The following PLCB1 variants were observed in gnomAD, a reference collection of about 807,000 sequenced individuals.
PLCB1 encodes the protein phospholipase C beta 1, also known as 1-phosphatidylinositol 4,5-bisphosphate phosphodiesterase beta-1.
In PLCB1, 46 loss-of-function variants were observed where a neutral mutation model predicts 161.8. The observed-to-expected ratio is 0.28, with a 90% CI of 0.22 to 0.36. The LOEUF is 0.36. PLCB1 is among the 10% of genes least tolerant of loss of function. PLCB1 has a pLI of 1.00. For synonymous variants in PLCB1, 517 were observed against 503.7 expected (o/e 1.03, Z -0.35); for missense variants, 1,016 against 1,472.5 (o/e 0.69, Z 5.07).
intron 25 of PLCB1, among the ~76,000 whole-genome samples, chr20:8,764,278 C>T (rs549402873): frequency 2.4e-4 from 37 of 152,162 alleles, no homozygotes; most frequent in Non-Finnish European, 4.7e-4. Flanking sequence ...AGACACTTTA[C>T]TGCTATATGC....
At chr20:8,195,856 A>G (rs2052018314) in intron 2 of PLCB1, among the ~76,000 whole-genome samples, 2 of 152,094 alleles carry the variant, frequency 1.3e-5, no homozygotes, top group Admixed American at 1.3e-4. Context: ...CATTTGTATT[A>G]GTCGATTCTC....
chr20:8,275,913 CT>C (rs879561643), intron 2 of PLCB1, among the ~76,000 whole-genome samples: 2,124 of 145,764 alleles, frequency 0.015, 53 homozygotes, highest in African/African-American at 0.048. Context: ...ATATTTTTTC[CT>C]TTTTTTTTTT....
At chr20:8,622,926 T>C (rs112214005) in intron 3 of PLCB1, among the ~76,000 whole-genome samples, 90 of 148,042 alleles carry the variant, frequency 6.1e-4, no homozygotes, top group African/African-American at 2.0e-3. Flanking sequence ...TTGAAATAGG[T>C]AATAGCAGCA....
At chr20:8,548,207 T>C (rs955960567) in intron 3 of PLCB1, among the ~76,000 whole-genome samples, 4 of 73,338 alleles carry the variant, frequency 5.5e-5, no homozygotes, top group African/African-American at 1.4e-4. Flanking sequence ...CCCATTTTCT[T>C]TCCTTCCTTC....
intron 3 of PLCB1, among the ~76,000 whole-genome samples, chr20:8,532,084 T>C (rs1714554850): frequency 6.6e-6 from 1 of 152,206 alleles, no homozygotes; most frequent in Non-Finnish European, 1.5e-5. Context: ...CTTCAGGGCA[T>C]TGGTATTTTG....
chr20:8,799,687 A>C (rs1323110752), intron 31 of PLCB1, among the ~76,000 whole-genome samples: 1 of 152,086 alleles, frequency 6.6e-6, no homozygotes, highest in Non-Finnish European at 1.5e-5. Context: ...CCAACCTCAA[A>C]CCAAGAGAAA....
At chr20:8,684,437 A>T (rs1031120976) in intron 9 of PLCB1, among the ~76,000 whole-genome samples, 7 of 151,392 alleles carry the variant, frequency 4.6e-5, no homozygotes, top group African/African-American at 1.7e-4. Context: ...TGTTTTGGGT[A>T]GAGAGGAGAC....
intron 3 of PLCB1, among the ~76,000 whole-genome samples, chr20:8,529,598 T>C (rs1203123299): frequency 6.6e-6 from 1 of 150,886 alleles, no homozygotes; most frequent in Admixed American, 6.7e-5. Flanking sequence ...GTTGTGTTGC[T>C]GGTCATTTTA....
chr20:8,667,861 G>T (rs1989851032), intron 9 of PLCB1, among the ~76,000 whole-genome samples: 1 of 152,094 alleles, frequency 6.6e-6, no homozygotes, highest in African/African-American at 2.4e-5. Flanking sequence ...AGCAGAGAAT[G>T]GCTTCTTTCC....
At chr20:8,222,808 A>G (rs1215006031) in intron 2 of PLCB1, among the ~76,000 whole-genome samples, 1 of 152,098 alleles carries the variant, frequency 6.6e-6, no homozygotes, top group African/African-American at 2.4e-5. Context: ...GGCTTTCTCA[A>G]CCTTAATTAC....
chr20:8,554,160 A>C (rs1052619698), intron 3 of PLCB1, among the ~76,000 whole-genome samples: 6 of 152,076 alleles, frequency 3.9e-5, no homozygotes, highest in Non-Finnish European at 7.4e-5. Context: ...GGGTGATATA[A>C]AATGGTACAA....
At position 8,881,358 on chromosome 20, in the gene PLCB1, T is replaced by TGTGTGTGTGTGTGC. The variant is rs369188885; in HGVS notation, c.3424-263_3424-262insTGTGTGTGTGTGCG. Among the ~76,000 whole-genome samples, 12,396 of 150,354 alleles carry TGTGTGTGTGTGTGC rather than the reference T, an allele frequency of 0.082. 680 individuals carry two copies. Among genetic ancestry groups the TGTGTGTGTGTGTGC allele is most frequent in the Middle Eastern group, 0.13 (38 of 294 alleles). On this transcript the variant is annotated intron_variant, in intron 31 of 31. Coordinates refer to ENST00000338037, the MANE Select transcript of PLCB1 (RefSeq NM_015192.4). ...GTGTGTGTGTGTGTGTGTGTGTGTG[T>TGTGTGTGTGTGTGC]GCATTTGTAGATACCGCTATTCATC...
intron 3 of PLCB1, among the ~76,000 whole-genome samples, chr20:8,472,934 A>G (rs996925009): frequency 6.6e-6 from 1 of 152,190 alleles, no homozygotes; most frequent in African/African-American, 2.4e-5. Context: ...CCTTCAAGCC[A>G]TGATTCACAT....
chr20:8,584,576 C>T (rs1684988366), intron 3 of PLCB1, among the ~76,000 whole-genome samples: 1 of 152,038 alleles, frequency 6.6e-6, no homozygotes. Context: ...ATTACCTCCC[C>T]ACCAAGAGAC....
intron 4 of PLCB1, among the ~76,000 whole-genome samples, chr20:8,632,254 AT>A (rs746053985): frequency 6.6e-6 from 1 of 151,708 alleles, no homozygotes; most frequent in Non-Finnish European, 1.5e-5. Context: ...TAAATGAGAA[AT>A]GTTAGCAATA....
At chr20:8,376,191 T>G (rs1352534444) in intron 3 of PLCB1, among the ~76,000 whole-genome samples, 1 of 152,184 alleles carries the variant, frequency 6.6e-6, no homozygotes, top group Non-Finnish European at 1.5e-5. Flanking sequence ...GAAAAATATT[T>G]TTATAGTTAC....
At chr20:8,329,825 T>C (rs1055599865) in intron 2 of PLCB1, among the ~76,000 whole-genome samples, 9 of 152,192 alleles carry the variant, frequency 5.9e-5, no homozygotes, top group African/African-American at 2.2e-4. Flanking sequence ...GAAATCAGAG[T>C]TGGGTCTGTT....
chr20:8,185,766 A>G (rs911758462), intron 2 of PLCB1, among the ~76,000 whole-genome samples: 1 of 152,122 alleles, frequency 6.6e-6, no homozygotes, highest in African/African-American at 2.4e-5. Context: ...CATTAAGTGG[A>G]TTCATTCTGA....
intron 1 of PLCB1, among the ~76,000 whole-genome samples, chr20:8,136,849 C>T (rs895336066): frequency 6.6e-6 from 1 of 152,032 alleles, no homozygotes; most frequent in East Asian, 1.9e-4. Context: ...AAAATAAGTA[C>T]GTAATTTAGA....
Sources: gnomAD v4.1 joint callset for allele counts (sites outside exome capture counted in the v4.1 genomes callset) on GRCh38, gnomAD v4.1.1 for gene constraint, MANE v1.5 for transcripts, NCBI Gene and HGNC (gene_info 2026-07-23, HGNC 2026-07-21) for gene names.